CDH3: variants seen among roughly 807,000 people sequenced by gnomAD.
CDH3 encodes the protein cadherin-3.
A neutral mutation model predicts 82.0 loss-of-function variants in CDH3; 54 were observed. That is an observed-to-expected ratio of 0.66 (90% confidence interval 0.53 to 0.83). CDH3 has a LOEUF of 0.83. CDH3 is among the 40% of genes least tolerant of loss of function. The pLI, the probability that CDH3 is intolerant of heterozygous loss-of-function variation, is 0.00. For missense variants in CDH3, 1,054 were observed against 1,084.6 expected (o/e 0.97, Z 0.40); for synonymous variants, 446 against 437.9 (o/e 1.02, Z -0.23).
rs1961867451 is a variant in CDH3 at position 68,700,109 on chromosome 16, A to G, written c.*1709A>G. 6.6e-6 allele frequency: 1 copy of G among 152,210 alleles called. No individual in the cohort carries two copies. Among genetic ancestry groups the G allele is most frequent in the Admixed American group, 6.5e-5 (1 of 15,280 alleles). 9.4% of individuals were successfully genotyped at this position (152,210 alleles called of 1,614,324 possible). On this transcript the variant is annotated 3_prime_UTR_variant, in exon 16 of 16. Transcript: ENST00000264012. ...AGAACCTACCCAAGATGTCAGTGAA[A>G]TTGGAACATTCCTGACAATACCAGG...
chr16:68,695,488 C>T (rs1961694601), intron 14 of CDH3, 103 bp downstream of exon 14: 3 of 1,221,282 alleles, frequency 2.5e-6, no homozygotes, highest in South Asian at 1.3e-5. Flanking sequence ...TTGACCAGGC[C>T]CTGGCATGAA....
chr16:68,666,811 T>C (rs916798816), intron 2 of CDH3, among the ~76,000 whole-genome samples: 22 of 152,188 alleles, frequency 1.4e-4, no homozygotes, highest in African/African-American at 5.3e-4. Context: ...TTTTCTTTTA[T>C]AGTATTTAAG....
At chr16:68,656,562 A>G (rs1248759289) in intron 2 of CDH3, among the ~76,000 whole-genome samples, 4 of 152,138 alleles carry the variant, frequency 2.6e-5, no homozygotes, top group Non-Finnish European at 5.9e-5. Context: ...AATTGGCCCC[A>G]TTTAACTGGA....
intron 2 of CDH3, among the ~76,000 whole-genome samples, chr16:68,724,891 A>G (rs1476442308): frequency 6.6e-6 from 1 of 152,122 alleles, no homozygotes; most frequent in African/African-American, 2.4e-5. Flanking sequence ...TGAACTTGGC[A>G]GGGAGTGGTT....
intron 2 of CDH3, among the ~76,000 whole-genome samples, chr16:68,646,505 C>T (rs1046465908): frequency 1.4e-5 from 2 of 139,636 alleles, no homozygotes; most frequent in African/African-American, 5.5e-5. Context: ...TACTCCTACC[C>T]CCCCCCTCCC....
chr16:68,687,486 C>G, intron 11 of CDH3, 26 bp from the exon 12 acceptor site: 2 of 1,593,878 alleles, frequency 1.3e-6, no homozygotes, highest in Non-Finnish European at 1.7e-6. Context: ...TCACAGGGAG[C>G]TCATCATATG....
At chr16:68,715,202 G>T (rs1962078824) in intron 1 of CDH3, among the ~76,000 whole-genome samples, 1 of 151,992 alleles carries the variant, frequency 6.6e-6, no homozygotes, top group African/African-American at 2.4e-5. Flanking sequence ...GAGGTGAGCA[G>T]ATCACTCGAA....
chr16:68,686,313 C>A, intron 11 of CDH3: 1 of 814,976 alleles, frequency 1.2e-6, no homozygotes, highest in Non-Finnish European at 2.1e-6. Context: ...TCGCCAGGGT[C>A]AGACCGCATG....
chr16:68,695,847 C>T lies in CDH3; in HGVS notation c.2204C>T (p.Ala735Val), dbSNP rs1302991551. Residue 735 changes from alanine to valine, a missense_variant, in exon 15 of 16, where the codon GCA becomes GTA. Coordinates refer to ENST00000264012, the MANE Select transcript of CDH3 (RefSeq NM_001793.6). ...RPEVVLRNDV[A>V]PTIIPTPMYR... ...GAGGTGGTTCTCCGCAATGACGTGG[C>T]ACCAACCATCATCCCGACACCCATG... 1.1e-5 allele frequency: 17 copies of T among 1,614,064 alleles called. No homozygotes were observed. Among genetic ancestry groups the T allele is most frequent in the Non-Finnish European group, 1.4e-5 (16 of 1,179,942 alleles).
At chr16:68,661,875 G>C (rs2152093621) in intron 2 of CDH3, among the ~76,000 whole-genome samples, 1 of 152,330 alleles carries the variant, frequency 6.6e-6, no homozygotes, top group South Asian at 2.1e-4. Context: ...GTTTTTAGTA[G>C]AGATGGGGTT....
In CDH3 at chr16:68,648,730, C is replaced by T. The variant is rs538925318; in HGVS notation, c.160+2980C>T. The stretch of plus-strand genomic sequence containing the variant: ...CTCCCAAGCACTGAGATGACAGGTA[C>T]GATCCACTGTGCCCAGCTCCCTGGC... On this transcript the variant is annotated intron_variant, in intron 2 of 15. Coordinates refer to ENST00000264012, the MANE Select transcript of CDH3 (RefSeq NM_001793.6). Among the ~76,000 whole-genome samples, 10 of 152,162 alleles carry T rather than the reference C, an allele frequency of 6.6e-5. No homozygotes were observed. In the South Asian group the frequency reaches 2.1e-3, roughly 32 times the overall value.
intron 2 of CDH3, among the ~76,000 whole-genome samples, chr16:68,665,386 C>T (rs1431041803): frequency 1.3e-5 from 2 of 152,118 alleles, no homozygotes; most frequent in Middle Eastern, 3.4e-3. Context: ...TGGGTGACAG[C>T]GTTAGCCTCT....
the CDH3 span, among the ~76,000 whole-genome samples, chr16:68,733,428 T>G: frequency 0.81 from 122,460 of 152,084 alleles, 50,060 homozygotes; most frequent in Non-Finnish European, 0.89. Flanking sequence ...CAGGCCTGCT[T>G]AGGTATCCCT....
intron 2 of CDH3, among the ~76,000 whole-genome samples, chr16:68,671,568 C>T (rs1960884249): frequency 7.4e-6 from 1 of 135,862 alleles, no homozygotes. Context: ...GTTGTCCAGG[C>T]TGGAGTGAGG....
At position 68,678,483 on chromosome 16, in the gene CDH3, A is replaced by G; in HGVS notation, c.391-18A>G. The G allele has an allele frequency of 6.2e-7, 1 of 1,614,128 alleles. No homozygotes were observed. Among genetic ancestry groups the G allele is most frequent in the East Asian group, 2.2e-5 (1 of 44,874 alleles). ...GATATTTGTTACTTTGTCAGCTGCCATTTTCTTTTCCCTCCAGCTCAAGTC... is the reference window on the plus strand; with the variant it reads ...GATATTTGTTACTTTGTCAGCTGCCGTTTTCTTTTCCCTCCAGCTCAAGTC... On this transcript the variant is annotated intron_variant, in intron 4 of 15. Transcript: ENST00000264012.
At chr16:68,651,291 C>T (rs886441073) in intron 2 of CDH3, 9 of 548,178 alleles carry the variant, frequency 1.6e-5, no homozygotes, top group East Asian at 5.0e-5. Flanking sequence ...TCCAGGGAGC[C>T]GTCATGCCCA....
intron 2 of CDH3, among the ~76,000 whole-genome samples, chr16:68,724,928 T>A (rs981456057): frequency 6.6e-6 from 1 of 151,672 alleles, no homozygotes; most frequent in East Asian, 1.9e-4. Context: ...CAGCAGAGGG[T>A]TGGTTGGGGA....
chr16:68,646,158 C>G (rs1469190996), intron 2 of CDH3: 2 of 239,068 alleles, frequency 8.4e-6, no homozygotes, highest in Non-Finnish European at 1.6e-5. Context: ...CTCGGGCCCC[C>G]TTTGTGAACC....
chr16:68,693,029 A>AG (rs771264610), intron 13 of CDH3, among the ~76,000 whole-genome samples: 7 of 151,574 alleles, frequency 4.6e-5, no homozygotes, highest in Non-Finnish European at 1.0e-4. Flanking sequence ...ACTTGAACCC[A>AG]GGAGATGGAG....
Sources: gnomAD v4.1 joint callset for allele counts (sites outside exome capture counted in the v4.1 genomes callset) on GRCh38, gnomAD v4.1.1 for gene constraint, MANE v1.5 for transcripts, NCBI Gene and HGNC (gene_info 2026-07-23, HGNC 2026-07-21) for gene names.